Variants in SLAIN2 observed in about 807,000 individuals in gnomAD.
SLAIN2 encodes SLAIN family member 2, also known as SLAIN motif-containing protein 2.
SLAIN2 carries 31 observed loss-of-function variants against 56.6 expected under a neutral mutation model. The ratio of observed to expected loss-of-function variants is 0.55; its 90% CI spans 0.41 to 0.74. The LOEUF is 0.74. SLAIN2 is among the 30% of genes least tolerant of loss of function. The pLI, the probability that SLAIN2 is intolerant of heterozygous loss-of-function variation, is 0.00. For synonymous variants in SLAIN2, 317 were observed against 284.9 expected (o/e 1.11, Z -1.13); for missense variants, 777 against 754.2 (o/e 1.03, Z -0.35).
chr4:48,359,536 T>C (rs1199844893), intron 1 of SLAIN2, among the ~76,000 whole-genome samples: 3 of 152,254 alleles, frequency 2.0e-5, no homozygotes, highest in South Asian at 2.1e-4. Flanking sequence ...TATTTACTTA[T>C]TAATATATGT....
At chr4:48,360,345 A>C (rs996436356) in intron 1 of SLAIN2, among the ~76,000 whole-genome samples, 2 of 152,016 alleles carry the variant, frequency 1.3e-5, no homozygotes, top group Non-Finnish European at 2.9e-5. Flanking sequence ...TAATCCCAGC[A>C]CTTTGGGAGG....
chr4:48,392,523 T>A (rs534631175), intron 6 of SLAIN2, among the ~76,000 whole-genome samples: 2 of 152,316 alleles, frequency 1.3e-5, no homozygotes, highest in African/African-American at 4.8e-5. Context: ...TGGTTACCTT[T>A]ACCCTCATTT....
chr4:48,415,426 T>C (rs1716975709), intron 6 of SLAIN2, among the ~76,000 whole-genome samples: 1 of 57,388 alleles, frequency 1.7e-5, no homozygotes. Context: ...TTCTTGTAAA[T>C]TTGTTTGAGT....
chr4:48,380,437 G>A (rs906587016), intron 4 of SLAIN2, among the ~76,000 whole-genome samples: 5 of 152,088 alleles, frequency 3.3e-5, no homozygotes, highest in African/African-American at 9.7e-5. Flanking sequence ...CTGTAAAAAA[G>A]ACCTTTAGGA....
intron 1 of SLAIN2, among the ~76,000 whole-genome samples, chr4:48,353,474 AAAG>A (rs965014340): frequency 2.0e-5 from 3 of 152,176 alleles, no homozygotes; most frequent in African/African-American, 7.2e-5. Context: ...AGATTAAAAA[AAAG>A]GAAACTTTTT....
intron 1 of SLAIN2, among the ~76,000 whole-genome samples, chr4:48,363,789 T>TG (rs1440677545): frequency 8.1e-5 from 6 of 74,274 alleles, no homozygotes; most frequent in African/African-American, 1.6e-4. Context: ...GCTGGCCGGG[T>TG]GGGGGGGCTG....
Position 48,422,110 on chromosome 4 carries a change from T to G in SLAIN2, c.*33T>G. The G allele has an allele frequency of 1.3e-6, 2 of 1,569,814 alleles. No individual in the cohort carries two copies. Among genetic ancestry groups the G allele is most frequent in the Non-Finnish European group, 1.7e-6 (2 of 1,146,170 alleles). ...AGACAAGAATGCAGAAGTCCACGGC[T>G]TCATGGATACCCTTCACCAGGCTAA... On this transcript the variant is annotated 3_prime_UTR_variant, in exon 8 of 8. Transcript: ENST00000264313.
At chr4:48,361,295 C>G (rs1478674308) in intron 1 of SLAIN2, among the ~76,000 whole-genome samples, 3 of 152,190 alleles carry the variant, frequency 2.0e-5, no homozygotes, top group Non-Finnish European at 4.4e-5. Flanking sequence ...AGGGGAACAA[C>G]ATGCACAAAT....
At chr4:48,381,167 A>G (rs1715961417) in intron 4 of SLAIN2, among the ~76,000 whole-genome samples, 1 of 152,044 alleles carries the variant, frequency 6.6e-6, no homozygotes, top group Non-Finnish European at 1.5e-5. Context: ...GGCTTTTTAG[A>G]TCCTAGTATT....
At chr4:48,372,897 T>G (rs902360080) in intron 2 of SLAIN2, among the ~76,000 whole-genome samples, 1 of 152,154 alleles carries the variant, frequency 6.6e-6, no homozygotes, top group African/African-American at 2.4e-5. Context: ...GTTTTTTTTT[T>G]AAATACACTT....
chr4:48,362,732 CTTTTTTTTTTTTTTATTCTTTTT>C (rs1219374130), intron 1 of SLAIN2, among the ~76,000 whole-genome samples: 52 of 116,404 alleles, frequency 4.5e-4, no homozygotes, highest in African/African-American at 1.6e-3. Context: ...TTTTAAATTT[CTTTTTTTTTTTTTTATTCTTTTT>C]TTTTTTTTTT....
intron 6 of SLAIN2, among the ~76,000 whole-genome samples, chr4:48,401,602 T>A (rs1309180694): frequency 6.6e-6 from 1 of 152,248 alleles, no homozygotes; most frequent in South Asian, 2.1e-4. Flanking sequence ...TTGCAACCCC[T>A]GCTTTTTTCT....
At chr4:48,342,316 G>A (rs1039946310) in intron 1 of SLAIN2, among the ~76,000 whole-genome samples, 188 bp downstream of exon 1, 1 of 152,266 alleles carries the variant, frequency 6.6e-6, no homozygotes, top group African/African-American at 2.4e-5. Context: ...GCGTGCGCAA[G>A]TAACAGGGTT....
At chr4:48,363,015 C>A (rs1715376761) in intron 1 of SLAIN2, among the ~76,000 whole-genome samples, 1 of 59,142 alleles carries the variant, frequency 1.7e-5, no homozygotes, top group African/African-American at 6.3e-5. Context: ...CATCTTGCAC[C>A]GCCCTTAATC....
Position 48,378,015 on chromosome 4 carries a change from G to T in SLAIN2, c.658G>T (p.Val220Leu). The change falls in exon 3 of 8, where the codon GTG becomes TTG. Residue 220 changes from valine (V) to leucine (L), a missense_variant. Transcript: ENST00000264313. Reference protein sequence around the residue: ...SGFNSPSSTPVRPPIVKQLIL... With the variant: ...SGFNSPSSTPLRPPIVKQLIL... ...CTTCAATTCTCCATCCTCAACCCCA[G>T]TGCGACCTCCTATAGTCAAACAGCT... 1 of 1,613,846 alleles carries T rather than the reference G, an allele frequency of 6.2e-7. No individual in the cohort carries two copies. Among genetic ancestry groups the T allele is most frequent in the Non-Finnish European group, 8.5e-7 (1 of 1,179,860 alleles).
At chr4:48,367,143 C>G (rs1487758932) in intron 1 of SLAIN2, among the ~76,000 whole-genome samples, 1 of 152,180 alleles carries the variant, frequency 6.6e-6, no homozygotes, top group Non-Finnish European at 1.5e-5. Flanking sequence ...AAGGTGAATT[C>G]AGTTATGTGG....
At position 48,377,944 on chromosome 4, in the gene SLAIN2, A is replaced by G. The variant is rs752896719; in HGVS notation, c.587A>G (p.Tyr196Cys). 16 of 1,613,864 alleles carry G rather than the reference A, an allele frequency of 9.9e-6. No individual in the cohort carries two copies. Among genetic ancestry groups the G allele is most frequent in the Non-Finnish European group, 1.2e-5 (14 of 1,179,886 alleles). Residue 196 changes from tyrosine to cysteine, a missense_variant, in exon 3 of 8, where the codon TAC becomes TGC. Coordinates refer to ENST00000264313, the MANE Select transcript of SLAIN2 (RefSeq NM_020846.2). ...LYNNPFNSMS[Y>C]TSPYSPNASS... ...AATAATCCTTTCAACTCTATGAGTT[A>G]CACCAGTCCTTACAGTCCAAATGCC...
At chr4:48,342,186 TC>T in intron 1 of SLAIN2, 58 bp downstream of exon 1, 4 of 1,328,684 alleles carry the variant, frequency 3.0e-6, no homozygotes, top group Non-Finnish European at 3.8e-6. Context: ...GCGGAGAGCG[TC>T]CTCTGAGGGT....
rs181641945 is a variant in SLAIN2 at position 48,402,549 on chromosome 4, C to G, written c.1361-17576C>G. ...TCTTTCCTCCACTTGGTCTCTTCTG[C>G]TGTTGATACTTGTTATTGCATTGTG... On this transcript the variant is annotated intron_variant, in intron 6 of 7. Transcript: ENST00000264313. 1.7e-3 allele frequency among the ~76,000 whole-genome samples: 252 copies of G among 152,326 alleles called. 2 individuals carry two copies. The highest frequency in any genetic ancestry group is 5.9e-3 in the African/African-American group (244 of 41,572).
Sources: allele counts gnomAD v4.1 joint callset (sites outside exome capture counted in the v4.1 genomes callset), GRCh38; gene constraint gnomAD v4.1.1; transcripts MANE v1.5; gene names NCBI Gene and HGNC (gene_info 2026-07-23, HGNC 2026-07-21).